Variants in LPP observed in about 807,000 individuals in gnomAD.
LPP encodes LIM domain containing preferred translocation partner in lipoma, also known as lipoma-preferred partner.
A neutral mutation model predicts 60.4 loss-of-function variants in LPP; 38 were observed. That is an observed-to-expected ratio of 0.63 (90% CI 0.49 to 0.83). LPP has a LOEUF of 0.83. LPP is among the 40% of genes least tolerant of loss of function. LPP has a pLI of 0.00. For missense variants in LPP, 902 were observed against 783.6 expected, an observed-to-expected ratio of 1.15 and a Z score of -1.80; for synonymous variants, 328 against 290.8, an observed-to-expected ratio of 1.13 and a Z score of -1.30.
chr3:188,489,258 C>T (rs1463630442), intron 5 of LPP, among the ~76,000 whole-genome samples: 1 of 152,100 alleles, frequency 6.6e-6, no homozygotes, highest in Non-Finnish European at 1.5e-5. Flanking sequence ...TCATTTAAGT[C>T]ATTTTATGGT....
intron 9 of LPP, among the ~76,000 whole-genome samples, chr3:188,835,101 C>G (rs192578658): frequency 7.2e-5 from 11 of 152,160 alleles, no homozygotes; most frequent in Admixed American, 2.0e-4. Context: ...AATTAACCCA[C>G]AAGAAGGCAA....
At chr3:188,592,211 T>A (rs182239254) in intron 6 of LPP, among the ~76,000 whole-genome samples, 2 of 152,284 alleles carry the variant, frequency 1.3e-5, no homozygotes, top group Admixed American at 6.5e-5. Context: ...TGCTTGGTTA[T>A]CACACTATAA....
intron 7 of LPP, among the ~76,000 whole-genome samples, chr3:188,707,603 G>A (rs1865738266): frequency 6.6e-6 from 1 of 152,142 alleles, no homozygotes; most frequent in Non-Finnish European, 1.5e-5. Context: ...TGGAACAAAA[G>A]AACTAGAACC....
intron 5 of LPP, among the ~76,000 whole-genome samples, chr3:188,496,183 T>C (rs989634093): frequency 6.6e-6 from 1 of 152,060 alleles, no homozygotes; most frequent in Non-Finnish European, 1.5e-5. Context: ...TGGAGTGCAG[T>C]GGCATGATCT....
chr3:188,621,318 T>C (rs1845762199), intron 7 of LPP, among the ~76,000 whole-genome samples: 2 of 152,192 alleles, frequency 1.3e-5, no homozygotes, highest in Admixed American at 1.3e-4. Flanking sequence ...CTGTGCCCTC[T>C]CCCTTCCTCC....
At chr3:188,717,671 G>C (rs558308176) in intron 8 of LPP, among the ~76,000 whole-genome samples, 1 of 152,254 alleles carries the variant, frequency 6.6e-6, no homozygotes, top group African/African-American at 2.4e-5. Context: ...AGGCATATTA[G>C]ATATATTTTC....
intron 3 of LPP, among the ~76,000 whole-genome samples, chr3:188,347,815 G>A (rs1459346902): frequency 6.6e-6 from 1 of 152,192 alleles, no homozygotes; most frequent in Non-Finnish European, 1.5e-5. Context: ...AGACGCCTCG[G>A]AGTTTCTCAA....
In LPP at chr3:188,373,276, C is replaced by T. The variant is rs979839069; in HGVS notation, c.-10+31557C>T. On this transcript the variant is annotated intron_variant, in intron 3 of 11. Coordinates refer to ENST00000617246, the MANE Select transcript of LPP (RefSeq NM_001375462.1). ...TTCTAGTTCTAGATCCCTGAGGAAT[C>T]GCCACACTGACTTCCACAATGGTTG... Among the ~76,000 whole-genome samples the T allele has an allele frequency of 2.6e-4, 40 of 152,282 alleles. 1 individual carries two copies. The highest frequency in any genetic ancestry group is 3.4e-3 in the Middle Eastern group (1 of 294).
intron 8 of LPP, among the ~76,000 whole-genome samples, chr3:188,755,763 T>C (rs1729936561): frequency 9.2e-6 from 1 of 108,934 alleles, no homozygotes; most frequent in Non-Finnish European, 1.8e-5. Flanking sequence ...TGAACCATGA[T>C]CGCACTACTG....
intron 7 of LPP, among the ~76,000 whole-genome samples, chr3:188,628,961 C>G (rs1269017875): frequency 6.6e-6 from 1 of 152,098 alleles, no homozygotes; most frequent in Non-Finnish European, 1.5e-5. Flanking sequence ...ATACACAAAT[C>G]AATGAATGTG....
chr3:188,378,148 G>A (rs1048820341), intron 3 of LPP, among the ~76,000 whole-genome samples: 4 of 152,194 alleles, frequency 2.6e-5, no homozygotes, highest in East Asian at 1.9e-4. Context: ...GGCTACTTGC[G>A]GGTCAGGGAC....
intron 4 of LPP, among the ~76,000 whole-genome samples, chr3:188,446,227 A>G (rs1343458539): frequency 6.6e-6 from 1 of 152,192 alleles, no homozygotes; most frequent in South Asian, 2.1e-4. Flanking sequence ...TTAAGTGAGC[A>G]TGAGAGCCCA....
At chr3:188,718,698 A>G (rs1448240168) in intron 8 of LPP, among the ~76,000 whole-genome samples, 1 of 152,214 alleles carries the variant, frequency 6.6e-6, no homozygotes, top group East Asian at 1.9e-4. Flanking sequence ...GAGATATTTA[A>G]TAGGTGTTAA....
chr3:188,769,237 C>G (rs1310015555), intron 9 of LPP, among the ~76,000 whole-genome samples: 1 of 152,158 alleles, frequency 6.6e-6, no homozygotes, highest in Non-Finnish European at 1.5e-5. Context: ...TGGAAAGCCT[C>G]TCTCACTTTA....
At chr3:188,533,070 G>A (rs188328902) in intron 6 of LPP, among the ~76,000 whole-genome samples, 17 of 152,242 alleles carry the variant, frequency 1.1e-4, no homozygotes, top group Non-Finnish European at 1.9e-4. Context: ...AATGTATGAG[G>A]CAACCTGAGA....
At chr3:188,331,599 T>C (rs1218363618) in intron 2 of LPP, among the ~76,000 whole-genome samples, 1 of 152,230 alleles carries the variant, frequency 6.6e-6, no homozygotes, top group African/African-American at 2.4e-5. Context: ...CCTTTCCTCC[T>C]TTAGACCTTC....
At chr3:188,449,808 T>A (rs1439582466) in intron 4 of LPP, among the ~76,000 whole-genome samples, 1 of 152,148 alleles carries the variant, frequency 6.6e-6, no homozygotes, top group Non-Finnish European at 1.5e-5. Context: ...TTGCTATTAT[T>A]ATTATTATTA....
At chr3:188,218,838 CT>C (rs1244194350) in intron 1 of LPP, among the ~76,000 whole-genome samples, 2 of 152,074 alleles carry the variant, frequency 1.3e-5, no homozygotes, top group African/African-American at 4.8e-5. Context: ...AACAAATTGC[CT>C]TCTTTTTTCC....
chr3:188,581,472 T>C (rs993920572), intron 6 of LPP, among the ~76,000 whole-genome samples: 2 of 152,180 alleles, frequency 1.3e-5, no homozygotes, highest in Non-Finnish European at 2.9e-5. Context: ...GTTTATATTC[T>C]GCTTGAAGGT....
Sources: allele counts gnomAD v4.1 joint callset (sites outside exome capture counted in the v4.1 genomes callset), GRCh38; gene constraint gnomAD v4.1.1; transcripts MANE v1.5; gene names NCBI Gene and HGNC (gene_info 2026-07-23, HGNC 2026-07-21).